FGD1: variants seen among roughly 807,000 people sequenced by gnomAD.
FGD1 encodes the protein FYVE, RhoGEF and PH domain containing 1.
Under a neutral mutation model 65.0 loss-of-function variants are expected in FGD1, and 12 were observed. That is an observed-to-expected ratio of 0.18 (90% CI 0.12 to 0.30). The LOEUF is 0.30. Ranked by LOEUF, FGD1 falls within the 10% of genes least tolerant of loss-of-function variation. FGD1 has a pLI of 1.00. For synonymous variants in FGD1, 333 were observed against 343.9 expected (o/e 0.97, Z 0.35); for missense variants, 542 against 837.6 (o/e 0.65, Z 4.36).
At chrX:54,461,028 A>G (rs1922617208) in intron 8 of FGD1, among the ~76,000 whole-genome samples, 1 of 111,815 alleles carries the variant, frequency 8.9e-6, no homozygotes, top group South Asian at 3.7e-4. Flanking sequence ...CCAAGGATAT[A>G]CAGTTGAGAA....
intron 1 of FGD1, among the ~76,000 whole-genome samples, chrX:54,475,798 TG>T (rs1923003727): frequency 1.8e-5 from 2 of 112,355 alleles, no homozygotes; most frequent in South Asian, 7.3e-4. Flanking sequence ...CCGGGCGCGG[TG>T]GCTCACGCCT....
chrX:54,470,898 A>G, intron 2 of FGD1, 138 bp from the exon 3 acceptor site: 1 of 432,365 alleles, frequency 2.3e-6, no homozygotes, highest in Non-Finnish European at 4.1e-6. Flanking sequence ...AGTCCCAGCT[A>G]CTTGGGAGGC....
intron 1 of FGD1, among the ~76,000 whole-genome samples, chrX:54,473,277 T>C (rs1344991692): frequency 1.8e-5 from 2 of 112,125 alleles, no homozygotes; most frequent in African/African-American, 3.2e-5. Context: ...ACAAAAGATA[T>C]ACATTGTCAT....
chrX:54,460,613 T>C (rs60307315), intron 8 of FGD1, among the ~76,000 whole-genome samples: 17,218 of 110,557 alleles, frequency 0.16, 2,195 homozygotes, highest in African/African-American at 0.42. Context: ...TGGTGGTGGG[T>C]GCCTGTAATC....
At chrX:54,454,766 GTGTA>G (rs780759824) in intron 12 of FGD1, among the ~76,000 whole-genome samples, 1 of 111,067 alleles carries the variant, frequency 9.0e-6, no homozygotes, top group Non-Finnish European at 1.9e-5. Flanking sequence ...GACTGTATAT[GTGTA>G]TGTATGTATA....
At chrX:54,493,795 G>A (rs753752175) in intron 1 of FGD1, among the ~76,000 whole-genome samples, 28 of 112,116 alleles carry the variant, frequency 2.5e-4, no homozygotes, top group African/African-American at 9.1e-4. Flanking sequence ...AAATCTCCCA[G>A]AGGTTCCATG....
At chrX:54,449,301 A>G (rs1414644467) in intron 14 of FGD1, 33 bp from the exon 15 acceptor site, 1 of 1,207,907 alleles carries the variant, frequency 8.3e-7, no homozygotes. Context: ...GGTCAGAGAC[A>G]GCTACTCCCC....
chrX:54,483,148 A>G (rs1675596274), intron 1 of FGD1, among the ~76,000 whole-genome samples: 1 of 111,509 alleles, frequency 9.0e-6, no homozygotes, highest in Admixed American at 9.4e-5. Context: ...CCAAACAGAG[A>G]TCCCTGAGGG....
chrX:54,445,968 C>A lies in FGD1; in HGVS notation c.*141G>T. 1 of 466,968 alleles carries A rather than the reference C, an allele frequency of 2.1e-6. No individual in the cohort carries two copies. Among genetic ancestry groups the A allele is most frequent in the Non-Finnish European group, 3.7e-6 (1 of 273,464 alleles). The allele number at this position is 466,968 out of a possible 1,213,427, so 38.5% of individuals were successfully genotyped here. A position where few individuals can be genotyped will look rare whatever the true frequency, so the allele number is the denominator to read the frequency against. The stretch of plus-strand genomic sequence containing the variant: ...TTGTGAAAAGATGAATTAAAAAACC[C>A]AAGACCCAGCATTCGGGATTGAAAG... On this transcript the variant is annotated 3_prime_UTR_variant, in exon 18 of 18. Coordinates refer to ENST00000375135, the MANE Select transcript of FGD1 (RefSeq NM_004463.3).
rs752163155 is a variant in FGD1 at position 54,470,083 on chromosome X, T to C, written c.1034A>G (p.Glu345Gly). The C allele has an allele frequency of 4.1e-6, 5 of 1,209,912 alleles. No individual in the cohort carries two copies. Among genetic ancestry groups the C allele is most frequent in the Non-Finnish European group, 5.6e-6 (5 of 894,769 alleles). ...VDSDLEEEDD[E>G]EEEEEKDREI... is the part of the protein sequence containing the mutation. ...TCTGTCCTTCTCTTCCTCCTCCTCC[T>C]CGTCGTCCTCCTCCTCCAGGTCACT... The change falls in exon 4 of 18, where the codon GAG becomes GGG. Residue 345 changes from glutamate (E) to glycine (G), a missense_variant. This residue lies in a region of FGD1 where 297 missense variants were observed against 326.8 expected (regional missense o/e 0.91). Coordinates refer to ENST00000375135, the MANE Select transcript of FGD1 (RefSeq NM_004463.3).
At chrX:54,460,171 G>A (rs906194432) in intron 8 of FGD1, among the ~76,000 whole-genome samples, 1 of 110,957 alleles carries the variant, frequency 9.0e-6, no homozygotes, top group Non-Finnish European at 1.9e-5. Flanking sequence ...GGCCGGGTGC[G>A]GTGGCTCATG....
Position 54,445,940 on chromosome X carries a change from G to T in FGD1, c.*169C>A. 2.3e-6 allele frequency: 1 copy of T among 441,651 alleles called. No homozygotes were observed. 36.4% of individuals were successfully genotyped at this position (441,651 alleles called of 1,213,427 possible). ...AGGAATATATTTTTTAAAAGCCCACGTTTTGTGAAAAGATGAATTAAAAAA... is the reference window on the plus strand; with the variant it reads ...AGGAATATATTTTTTAAAAGCCCACTTTTTGTGAAAAGATGAATTAAAAAA... On this transcript the variant is annotated 3_prime_UTR_variant, in exon 18 of 18. Coordinates refer to ENST00000375135, the MANE Select transcript of FGD1 (RefSeq NM_004463.3).
At chrX:54,487,613 T>C (rs1353939021) in intron 1 of FGD1, among the ~76,000 whole-genome samples, 1 of 112,386 alleles carries the variant, frequency 8.9e-6, no homozygotes, top group East Asian at 2.8e-4. Context: ...AAAATTAATA[T>C]AGAACCAAAA....
rs1923516706 is a variant in FGD1, at chrX:54,495,517, C to T, written c.-85G>A. 8 of 682,811 alleles carry T rather than the reference C, an allele frequency of 1.2e-5. No homozygotes were observed. The highest frequency in any genetic ancestry group is 1.5e-5 in the Non-Finnish European group (8 of 531,262). 56.3% of individuals were successfully genotyped at this position (682,811 alleles called of 1,213,427 possible). A position where few individuals can be genotyped will look rare whatever the true frequency, so the allele number is the denominator to read the frequency against. ...GCGCGGGCGGAGGAGGCCCGGCGCC[C>T]GGCGGAGCAGCGGCCTCAGGATCGG... On this transcript the variant is annotated 5_prime_UTR_variant, in exon 1 of 18. Coordinates refer to ENST00000375135, the MANE Select transcript of FGD1 (RefSeq NM_004463.3).
At chrX:54,451,085 G>T (rs1371361839) in intron 12 of FGD1, among the ~76,000 whole-genome samples, 2 of 109,064 alleles carry the variant, frequency 1.8e-5, no homozygotes, top group African/African-American at 6.8e-5. Context: ...TGGGTGTCAA[G>T]TTGAGAAAAG....
intron 1 of FGD1, among the ~76,000 whole-genome samples, chrX:54,483,503 C>T (rs1569541435): frequency 8.9e-6 from 1 of 112,632 alleles, no homozygotes; most frequent in Non-Finnish European, 1.9e-5. Context: ...TTTCCACAGG[C>T]GCCTTCCCTC....
chrX:54,450,358 A>G, intron 12 of FGD1, 57 bp from the exon 13 acceptor site: 2 of 1,111,690 alleles, frequency 1.8e-6, no homozygotes, highest in Non-Finnish European at 1.2e-6. Flanking sequence ...ACAAAAAGCA[A>G]TAGGAGTGGA....
chrX:54,480,238 C>T (rs1317282604), intron 1 of FGD1, among the ~76,000 whole-genome samples: 1 of 111,981 alleles, frequency 8.9e-6, no homozygotes, highest in Non-Finnish European at 1.9e-5. Context: ...GAAGTTTTTC[C>T]AAAAAGAGGA....
intron 8 of FGD1, among the ~76,000 whole-genome samples, chrX:54,462,548 C>T (rs1208035898): frequency 1.9e-5 from 2 of 106,911 alleles, no homozygotes; most frequent in Admixed American, 1.0e-4. Context: ...ACGGCCACCA[C>T]GCCTGGCTAA....
Sources: gnomAD v4.1 joint callset for allele counts (sites outside exome capture counted in the v4.1 genomes callset) on GRCh38, gnomAD v4.1.1 for gene constraint, gnomAD v4.1.1 regional missense constraint, MANE v1.5 for transcripts, NCBI Gene and HGNC (gene_info 2026-07-23, HGNC 2026-07-21) for gene names.